A2ML1: variants seen among roughly 807,000 people sequenced by gnomAD.
A2ML1 encodes alpha-2-macroglobulin like 1, also known as alpha-2-macroglobulin-like protein 1.
In A2ML1, 161 loss-of-function variants were observed where a neutral mutation model predicts 181.9. The ratio of observed to expected loss-of-function variants is 0.89; its 90% confidence interval spans 0.78 to 1.01. The LOEUF (loss-of-function observed/expected upper bound fraction) is 1.01, where lower values mean the gene tolerates loss of function less well. Among genes scored for constraint, A2ML1 ranks in the 50% least tolerant of loss-of-function variants. The pLI, the probability that A2ML1 is intolerant of heterozygous loss-of-function variation, is 0.00. For synonymous variants in A2ML1, 663 were observed against 666.8 expected, an observed-to-expected ratio of 0.99 and a Z score of 0.09; for missense variants, 1,670 against 1,768.1, an observed-to-expected ratio of 0.94 and a Z score of 1.00.
Position 8,843,211 on chromosome 12 carries a change from G to T in A2ML1, c.1326G>T (p.Leu442=), listed in dbSNP as rs779622372. 1.2e-6 allele frequency: 2 copies of T among 1,614,194 alleles called. No individual in the cohort carries two copies. The highest frequency in any genetic ancestry group is 2.2e-5 in the South Asian group (2 of 91,076). The change falls in exon 12 of 36, where the codon CTG becomes CTT. Residue 442 remains leucine, a synonymous_variant. Coordinates refer to ENST00000299698, the MANE Select transcript of A2ML1 (RefSeq NM_144670.6). ...PRYYQNAYLH[L]RPFYSTTRSF... ...ACTACCAAAATGCCTACCTGCACCT[G>T]CGACCCTTCTACAGCACAACCCGCA...
At chr12:8,859,886 G>A (rs769987156) in intron 26 of A2ML1, among the ~76,000 whole-genome samples, 14 of 152,138 alleles carry the variant, frequency 9.2e-5, no homozygotes, top group Admixed American at 2.6e-4. Flanking sequence ...TTTCTTTTGA[G>A]AGCAGGCCAG....
At chr12:8,879,148 A>C (rs1480796787), downstream of A2ML1, among the ~76,000 whole-genome samples, 1 of 152,056 alleles carries the variant, frequency 6.6e-6, no homozygotes, top group Non-Finnish European at 1.5e-5. Context: ...GGTCATTCCC[A>C]AGCTTGCCTC....
chr12:8,873,820 A>G (rs183911369), intron 33 of A2ML1, among the ~76,000 whole-genome samples: 187 of 152,216 alleles, frequency 1.2e-3, no homozygotes, highest in African/African-American at 4.4e-3. Flanking sequence ...TTCTCTGGCC[A>G]CTTTGACTAA....
In A2ML1 at chr12:8,852,206, G is replaced by C; in HGVS notation, c.2464-4G>C. ...ACCCTTTGTCTCTTAAACATCCTCCGTAGGTTCAGACTGACCTGGCTAAAT... is the reference window on the plus strand; with the variant it reads ...ACCCTTTGTCTCTTAAACATCCTCCCTAGGTTCAGACTGACCTGGCTAAAT... On this transcript the variant is annotated splice_region_variant and splice_polypyrimidine_tract_variant and intron_variant, in intron 19 of 35. Coordinates refer to ENST00000299698, the MANE Select transcript of A2ML1 (RefSeq NM_144670.6). The surrounding 1 kb of genome is among the most constrained non-coding windows in gnomAD (Gnocchi z 4.2). 1.2e-6 allele frequency: 2 copies of C among 1,613,914 alleles called. No homozygotes were observed. Among genetic ancestry groups the C allele is most frequent in the African/African-American group, 2.7e-5 (2 of 75,010 alleles).
At chr12:8,829,260 T>C (rs4883182) in intron 3 of A2ML1, among the ~76,000 whole-genome samples, 128,056 of 152,128 alleles carry the variant, frequency 0.84, 54,037 homozygotes, top group East Asian at 0.99. Flanking sequence ...TCCAGGCCTG[T>C]GTTTGGACTT....
At chr12:8,826,451 T>A (rs1388378043) in intron 3 of A2ML1, among the ~76,000 whole-genome samples, 1 of 151,718 alleles carries the variant, frequency 6.6e-6, no homozygotes, top group Non-Finnish European at 1.5e-5. Flanking sequence ...GTTACTGAAT[T>A]TTTTTTGTTT....
chr12:8,872,855 T>C (rs1944676218), intron 33 of A2ML1, among the ~76,000 whole-genome samples: 1 of 152,108 alleles, frequency 6.6e-6, no homozygotes, highest in Non-Finnish European at 1.5e-5. Flanking sequence ...ATGGTGACAT[T>C]GTTTTGCATT....
chr12:8,829,897 G>A (rs1224308774), intron 4 of A2ML1, 118 bp downstream of exon 4: 3 of 1,251,038 alleles, frequency 2.4e-6, no homozygotes, highest in Non-Finnish European at 3.4e-6. Context: ...CTGGGTTGGA[G>A]ACTGCTGTGT....
In A2ML1 at chr12:8,852,338, T is replaced by A. The variant is rs1372950019; in HGVS notation, c.2590+2T>A. 1 of 1,613,842 alleles carries A rather than the reference T, an allele frequency of 6.2e-7. No individual in the cohort carries two copies. Among genetic ancestry groups the A allele is most frequent in the Non-Finnish European group, 8.5e-7 (1 of 1,179,926 alleles). On this transcript the variant is annotated splice_donor_variant, in intron 20 of 35. Transcript: ENST00000299698. LOFTEE classifies it high-confidence loss of function. The surrounding 1 kb of genome is among the most constrained non-coding windows in gnomAD (Gnocchi z 4.2). ...GGAACATCACAGCTGTCAAATTGGG[T>A]AAGAGAGGGAAGTGGTAGACGGGCG...
Position 8,823,277 on chromosome 12 carries a change from C to G in A2ML1, c.158C>G (p.Thr53Arg), listed in dbSNP as rs79149293. 5,575 of 1,614,110 alleles carry G rather than the reference C, an allele frequency of 3.5e-3. 13 individuals are homozygous for G. Among genetic ancestry groups the G allele is most frequent in the Non-Finnish European group, 4.3e-3 (5,038 of 1,179,994 alleles). Residue 53 changes from threonine to arginine, a missense_variant, in exon 2 of 36, where the codon ACG becomes AGG. Physicochemically the swap from Thr to Arg is moderately conservative, Grantham distance 71. Coordinates refer to ENST00000299698, the MANE Select transcript of A2ML1 (RefSeq NM_144670.6). ...CCTGGGTACAGTGATGTTAAATTCA[C>G]GGTTACTCTGGAGACCAAGGACAAG... The part of the protein sequence containing the change: ...LSPGYSDVKF[T>R]VTLETKDKTQ...
chr12:8,841,361 T>A lies in A2ML1; in HGVS notation c.1081-8T>A. 1.2e-6 allele frequency: 2 copies of A among 1,613,288 alleles called. No homozygotes were observed. Among genetic ancestry groups the A allele is most frequent in the Middle Eastern group, 3.3e-4 (2 of 6,050 alleles). ...TAATTCTAATCCGTAATGATCTTTG[T>A]CCTTCAGATAAGAGTTAGGGGCCAT... On this transcript the variant is annotated splice_region_variant and splice_polypyrimidine_tract_variant and intron_variant, in intron 10 of 35. Transcript: ENST00000299698.
intron 7 of A2ML1, among the ~76,000 whole-genome samples, chr12:8,886,037 C>CACACACACAT (rs1329572405): frequency 2.0e-5 from 3 of 151,198 alleles, no homozygotes; most frequent in African/African-American, 7.4e-5. Flanking sequence ...CACACACACA[C>CACACACACAT]ACACACACTA....
downstream of A2ML1, among the ~76,000 whole-genome samples, chr12:8,880,151 A>G (rs1944856174): frequency 6.6e-6 from 1 of 152,124 alleles, no homozygotes; most frequent in Non-Finnish European, 1.5e-5. Flanking sequence ...ATCACCTGAG[A>G]TCAGGAGTTC....
chr12:8,830,163 T>C (rs968539552), intron 4 of A2ML1, among the ~76,000 whole-genome samples: 1 of 152,174 alleles, frequency 6.6e-6, no homozygotes, highest in African/African-American at 2.4e-5. Flanking sequence ...GCAATTCTCC[T>C]GCCTCGGCCT....
chr12:8,866,304 CAAAAAAAAAAAA>C (rs57689837), intron 29 of A2ML1, among the ~76,000 whole-genome samples: 2 of 53,402 alleles, frequency 3.7e-5, no homozygotes, highest in South Asian at 2.4e-3. Flanking sequence ...GACTCCATCT[CAAAAAAAAAAAA>C]AAAAAAAAAA....
intron 26 of A2ML1, among the ~76,000 whole-genome samples, chr12:8,860,463 G>T (rs947517054): frequency 6.6e-5 from 10 of 152,142 alleles, no homozygotes; most frequent in Non-Finnish European, 2.9e-5. Flanking sequence ...AGCAGGGAAG[G>T]TCTCACCTAA....
chr12:8,873,599 TATACACA>T (rs11279002), intron 33 of A2ML1, among the ~76,000 whole-genome samples: 7,026 of 152,266 alleles, frequency 0.046, 511 homozygotes, highest in African/African-American at 0.16. Context: ...TGTATATGTG[TATACACA>T]CACATTTTTT....
At chr12:8,843,039 G>C (rs991112698) in intron 11 of A2ML1, 95 bp from the exon 12 acceptor site, 5 of 1,092,984 alleles carry the variant, frequency 4.6e-6, no homozygotes, top group Non-Finnish European at 6.7e-6. Context: ...GTGAAGATTT[G>C]AGAGAAAGAG....
chr12:8,851,850 T>A lies in A2ML1; in HGVS notation c.2301T>A (p.Ser767Arg), dbSNP rs1592136589. ...CCATCACCGAGTGGAAGGCGATGAG[T>A]TTCTGCACTTCCCAGTCAAGAGGCT... ...PDAITEWKAMSFCTSQSRGFG... is the reference protein window; with the variant it reads ...PDAITEWKAMRFCTSQSRGFG... Residue 767 changes from serine to arginine, a missense_variant, in exon 19 of 36, where the codon AGT (serine) becomes AGA (arginine). Transcript: ENST00000299698. 1 of 1,613,982 alleles carries A rather than the reference T, an allele frequency of 6.2e-7. No individual in the cohort carries two copies. Among genetic ancestry groups the A allele is most frequent in the South Asian group, 1.1e-5 (1 of 91,080 alleles).
Sources: gnomAD v4.1 joint callset for allele counts (sites outside exome capture counted in the v4.1 genomes callset) on GRCh38, gnomAD v4.1.1 for gene constraint, Gnocchi (gnomAD v3.1) non-coding constraint, MANE v1.5 for transcripts, NCBI Gene and HGNC (gene_info 2026-07-23, HGNC 2026-07-21) for gene names.